The following KNDC1 variants were observed in gnomAD, a reference collection of about 807,000 sequenced individuals.
KNDC1 encodes the protein kinase non-catalytic C-lobe domain containing 1.
A neutral mutation model predicts 172.8 loss-of-function variants in KNDC1; 106 were observed. The ratio of observed to expected loss-of-function variants is 0.61; its 90% CI spans 0.52 to 0.72. The LOEUF (loss-of-function observed/expected upper bound fraction) is 0.72. Among genes scored for constraint, KNDC1 ranks in the 30% least tolerant of loss-of-function variants. The pLI is 0.00. For missense variants in KNDC1, 2,325 were observed against 2,394.5 expected (o/e 0.97, Z 0.61); for synonymous variants, 1,083 against 1,062.2 (o/e 1.02, Z -0.38).
intron 9 of KNDC1, among the ~76,000 whole-genome samples, chr10:133,190,206 C>T (rs1486811654): frequency 6.6e-6 from 1 of 152,154 alleles, no homozygotes; most frequent in Non-Finnish European, 1.5e-5. Flanking sequence ...ATGTGTACTT[C>T]CCGCTCCTCC....
Position 133,199,106 on chromosome 10 carries a change from G to T in KNDC1, c.2598G>T (p.Arg866Ser). Residue 866 changes from arginine to serine, a missense_variant, in exon 14 of 30, where the codon AGG becomes AGT. Physicochemically the swap from Arg to Ser is moderately radical, Grantham distance 110. Transcript: ENST00000304613. Reference protein sequence around the residue: ...DDQSPDSVPERPRPADRRLCL... With the variant: ...DDQSPDSVPESPRPADRRLCL... The stretch of plus-strand genomic sequence containing the variant: ...AGAGTCCAGACAGTGTCCCAGAGAG[G>T]CCGCGGCCCGCAGACCGGAGGCTCT... The T allele has an allele frequency of 6.2e-7, 1 of 1,608,566 alleles. No homozygotes were observed. The highest frequency in any genetic ancestry group is 8.5e-7 in the Non-Finnish European group (1 of 1,178,244).
chr10:133,167,711 C>T (rs1224886459), intron 2 of KNDC1, 132 bp downstream of exon 2: 1 of 1,007,892 alleles, frequency 9.9e-7, no homozygotes. Context: ...CTGTGGAGAC[C>T]TTCTCTTCCT....
rs952716127 is a variant in KNDC1, at chr10:133,199,509, C to G, written c.2810C>G (p.Ala937Gly). 10 of 1,613,810 alleles carry G rather than the reference C, an allele frequency of 6.2e-6. No homozygotes were observed. Among genetic ancestry groups the G allele is most frequent in the Non-Finnish European group, 7.6e-6 (9 of 1,180,000 alleles). Residue 937 changes from alanine (A) to glycine (G), a missense_variant, in exon 15 of 30, where the codon GCC (alanine) becomes GGC (glycine). By Grantham distance (60) the Ala-to-Gly change is moderately conservative. Transcript: ENST00000304613. ...CTCACCTTTGCCACTTTCTGTGGCG[C>G]CATTTCCGAGAAGTTCTGTGACCTG... is the stretch of plus-strand genomic sequence containing the variant. ...KDLTFATFCG[A>G]ISEKFCDLYW... is the part of the protein sequence containing the mutation.
chr10:133,204,469 CGAGGTTCTGCA>C (rs1401571707), intron 17 of KNDC1, among the ~76,000 whole-genome samples: 1 of 152,104 alleles, frequency 6.6e-6, no homozygotes, highest in East Asian at 1.9e-4. Context: ...GCTTAGTGGC[CGAGGTTCTGCA>C]GAGGCCTGGT....
intron 1 of KNDC1, among the ~76,000 whole-genome samples, chr10:133,161,946 C>T (rs1852986810): frequency 6.6e-6 from 1 of 152,186 alleles, no homozygotes; most frequent in Admixed American, 6.5e-5. Flanking sequence ...CCACTTGGAG[C>T]CACAGGCTGT....
At chr10:133,188,679 C>G (rs777154705) in intron 7 of KNDC1, 26 bp downstream of exon 7, 2 of 1,337,124 alleles carry the variant, frequency 1.5e-6, no homozygotes, top group East Asian at 2.8e-5. Flanking sequence ...TCCCATCCCC[C>G]CCGCCGTCCC....
chr10:133,165,765 C>T (rs1853130853), intron 1 of KNDC1, among the ~76,000 whole-genome samples: 1 of 152,170 alleles, frequency 6.6e-6, no homozygotes, highest in Non-Finnish European at 1.5e-5. Flanking sequence ...TCGCTGGGAG[C>T]TTCGGGCTCT....
At chr10:133,194,595 C>G (rs536434785) in intron 9 of KNDC1, among the ~76,000 whole-genome samples, 3 of 152,306 alleles carry the variant, frequency 2.0e-5, no homozygotes, top group Non-Finnish European at 1.5e-5. Context: ...TTATCTGACT[C>G]TAGTTGGCTG....
intron 1 of KNDC1, among the ~76,000 whole-genome samples, chr10:133,165,247 G>A (rs918895691): frequency 6.6e-6 from 1 of 152,226 alleles, no homozygotes; most frequent in African/African-American, 2.4e-5. Flanking sequence ...CACCTCTCAT[G>A]GGTGCTGGGG....
At chr10:133,201,131 T>C (rs999384271) in intron 16 of KNDC1, among the ~76,000 whole-genome samples, 1 of 152,208 alleles carries the variant, frequency 6.6e-6, no homozygotes, top group African/African-American at 2.4e-5. Context: ...GGGGACCACT[T>C]TTTAAATTCC....
intron 3 of KNDC1, among the ~76,000 whole-genome samples, chr10:133,168,950 G>A (rs1268990150): frequency 6.6e-6 from 1 of 152,264 alleles, no homozygotes; most frequent in Non-Finnish European, 1.5e-5. Context: ...GCCGGCTGGA[G>A]AGGGGCGGAA....
intron 24 of KNDC1, among the ~76,000 whole-genome samples, chr10:133,213,165 C>T (rs1484573014): frequency 1.3e-5 from 2 of 152,240 alleles, no homozygotes; most frequent in Non-Finnish European, 2.9e-5. Context: ...GGGCCTGGCC[C>T]TGCCTCTGCC....
At position 133,195,702 on chromosome 10, in the gene KNDC1, G is replaced by A. The variant is rs1291083727; in HGVS notation, c.1615G>A (p.Ala539Thr). ...YCVAAVLWTA[A>T]KFSVPRNHKL... ...TGTGGCCGCCGTTCTGTGGACCGCA[G>A]CCAAGTTCAGCGTCCCCCGCAACCA... is the stretch of plus-strand genomic sequence containing the variant. Residue 539 changes from alanine to threonine, a missense_variant, in exon 10 of 30, where the codon GCC becomes ACC. Ala to Thr is a moderately conservative substitution (Grantham distance 58). Transcript: ENST00000304613. 5.0e-6 allele frequency: 8 copies of A among 1,612,624 alleles called. No individual in the cohort carries two copies. Among genetic ancestry groups the A allele is most frequent in the African/African-American group, 2.7e-5 (2 of 74,920 alleles).
rs372002375 is a variant in KNDC1, at chr10:133,167,544, C to T, written c.266C>T (p.Thr89Ile). 85 of 1,602,086 alleles carry T rather than the reference C, an allele frequency of 5.3e-5. No homozygotes were observed. Among genetic ancestry groups the T allele is most frequent in the Non-Finnish European group, 6.7e-5 (79 of 1,174,818 alleles). Residue 89 changes from threonine to isoleucine, a missense_variant, in exon 2 of 30, where the codon ACC (threonine) becomes ATC (isoleucine). Transcript: ENST00000304613. ...CITPDTLAFN[T>I]SGNVCFMEQL... ...ACGCCCGACACCCTGGCCTTCAACA[C>T]CAGCGGGAACGTGTGTTTCATGGAG...
In KNDC1 at chr10:133,201,810, C is replaced by T; in HGVS notation, c.3299C>T (p.Ala1100Val). Residue 1100 changes from alanine (A) to valine (V), a missense_variant, in exon 17 of 30, where the codon GCC becomes GTC. Ala to Val is a moderately conservative substitution (Grantham distance 64). Transcript: ENST00000304613. ...GGCTGGTGCAGCGCCTTCTACGAGG[C>T]CGACTGCTTCGGGGCCGACGTCCAC... ...SPGWCSAFYE[A>V]DCFGADVHNY... is the part of the protein sequence containing the mutation. The T allele has an allele frequency of 6.6e-7, 1 of 1,509,382 alleles. No individual in the cohort carries two copies. The highest frequency in any genetic ancestry group is 8.8e-7 in the Non-Finnish European group (1 of 1,131,582). The allele number at this position is 1,509,382 out of a possible 1,614,324, so 93.5% of individuals were successfully genotyped here. A position where few individuals can be genotyped will look rare whatever the true frequency, so the allele number is the denominator to read the frequency against.
At chr10:133,212,984 C>T (rs540348534) in intron 24 of KNDC1, 62 bp downstream of exon 24, 28 of 1,426,388 alleles carry the variant, frequency 2.0e-5, no homozygotes, top group African/African-American at 1.1e-4. Context: ...AAACACTCCG[C>T]GCCCATAGGG....
chr10:133,202,418 G>C (rs1564893423), intron 17 of KNDC1: 2 of 416,598 alleles, frequency 4.8e-6, no homozygotes, highest in African/African-American at 4.1e-5. Context: ...AGGGAGAGGA[G>C]GTCTTAGACC....
chr10:133,187,570 C>T (rs955553172), intron 6 of KNDC1, among the ~76,000 whole-genome samples: 34 of 152,250 alleles, frequency 2.2e-4, no homozygotes, highest in African/African-American at 7.5e-4. Flanking sequence ...CCCCGTCGCC[C>T]TCCACCACTC....
At chr10:133,210,765 C>T in intron 21 of KNDC1, 41 bp downstream of exon 21, 6 of 1,526,858 alleles carry the variant, frequency 3.9e-6, no homozygotes, top group Admixed American at 1.7e-5. Context: ...GAGCTTCCCC[C>T]TGGGGCAGGG....
Sources: gnomAD v4.1 joint callset for allele counts (sites outside exome capture counted in the v4.1 genomes callset) on GRCh38, gnomAD v4.1.1 for gene constraint, MANE v1.5 for transcripts, NCBI Gene and HGNC (gene_info 2026-07-23, HGNC 2026-07-21) for gene names.